SNTG2: variants seen among roughly 807,000 people sequenced by gnomAD.
SNTG2 encodes the protein gamma-2-syntrophin.
Under a neutral mutation model 70.9 loss-of-function variants are expected in SNTG2, and 74 were observed. The observed-to-expected ratio is 1.04, with a 90% confidence interval of 0.86 to 1.27. SNTG2 has a LOEUF of 1.27. Among genes scored for constraint, SNTG2 ranks in the 50% most tolerant of loss-of-function variants. The pLI is 0.00. For missense variants in SNTG2, 717 were observed against 690.7 expected, an observed-to-expected ratio of 1.04 and a Z score of -0.43; for synonymous variants, 278 against 273.8, an observed-to-expected ratio of 1.02 and a Z score of -0.15.
intron 1 of SNTG2, among the ~76,000 whole-genome samples, chr2:1,008,170 C>T (rs754758605): frequency 1.3e-5 from 2 of 152,116 alleles, no homozygotes; most frequent in African/African-American, 2.4e-5. Flanking sequence ...AAATAGTACT[C>T]GTTTTCTATT....
chr2:979,469 C>A (rs1382099007), intron 1 of SNTG2, among the ~76,000 whole-genome samples: 1 of 152,084 alleles, frequency 6.6e-6, no homozygotes, highest in Non-Finnish European at 1.5e-5. Context: ...GGGCTGTGCC[C>A]AGCCTTGCTG....
At chr2:1,196,750 C>T (rs1672934804) in intron 8 of SNTG2, among the ~76,000 whole-genome samples, 1 of 152,000 alleles carries the variant, frequency 6.6e-6, no homozygotes, top group African/African-American at 2.4e-5. Context: ...AGAAAAAAAA[C>T]ACTTCTAGCC....
chr2:1,224,049 CCTT>C lies in SNTG2; in HGVS notation c.720-13836_720-13834del, dbSNP rs1386022245. On this transcript the variant is annotated intron_variant, in intron 9 of 16. Transcript: ENST00000308624. ...GGCCTGTCCTGCATTGCAGATGGCACCTTCTCTCTGTGTCTCCCTGTGGAGGAA... is the reference window on the plus strand; with the variant it reads ...GGCCTGTCCTGCATTGCAGATGGCACCTCTCTGTGTCTCCCTGTGGAGGAA... 2.0e-4 allele frequency among the ~76,000 whole-genome samples: 31 copies of C among 152,318 alleles called. 1 individual carries two copies. In the South Asian group the frequency reaches 2.1e-3, roughly 10 times the overall value.
intron 16 of SNTG2, among the ~76,000 whole-genome samples, chr2:1,350,363 G>A (rs140916270): frequency 1.2e-3 from 186 of 152,300 alleles, no homozygotes; most frequent in African/African-American, 4.1e-3. Flanking sequence ...TGTGAATGGA[G>A]GTCTGGAAGG....
chr2:971,789 G>T (rs575469161), intron 1 of SNTG2, among the ~76,000 whole-genome samples: 13 of 151,512 alleles, frequency 8.6e-5, no homozygotes, highest in South Asian at 2.1e-4. Context: ...TTTGATATGG[G>T]TGTTCAGCAC....
At chr2:1,296,802 A>G (rs1358646120) in intron 14 of SNTG2, among the ~76,000 whole-genome samples, 1 of 152,232 alleles carries the variant, frequency 6.6e-6, no homozygotes, top group East Asian at 1.9e-4. Context: ...ACCATCTTTG[A>G]AGAGTTCTGA....
intron 8 of SNTG2, among the ~76,000 whole-genome samples, chr2:1,178,674 G>A (rs948598815): frequency 3.2e-4 from 49 of 152,258 alleles, no homozygotes; most frequent in African/African-American, 1.2e-3. Context: ...TGGTGGATAA[G>A]CTTTTTGATG....
intron 6 of SNTG2, among the ~76,000 whole-genome samples, chr2:1,152,942 G>A (rs915322120): frequency 2.0e-5 from 3 of 152,238 alleles, no homozygotes; most frequent in Admixed American, 6.5e-5. Flanking sequence ...TGGCCAACAT[G>A]GCAAAACCCT....
At chr2:1,215,680 A>G (rs1314970915) in intron 9 of SNTG2, among the ~76,000 whole-genome samples, 6 of 150,152 alleles carry the variant, frequency 4.0e-5, no homozygotes, top group South Asian at 2.1e-4. Flanking sequence ...CATTATGCAT[A>G]TCTCCTAATG....
chr2:1,084,692 G>C (rs770021766), intron 2 of SNTG2, among the ~76,000 whole-genome samples: 4 of 152,218 alleles, frequency 2.6e-5, no homozygotes. Context: ...GAAATGCATT[G>C]CTCACAGTTC....
At chr2:1,331,934 C>A (rs1179461933) in intron 16 of SNTG2, among the ~76,000 whole-genome samples, 2 of 152,112 alleles carry the variant, frequency 1.3e-5, no homozygotes, top group African/African-American at 2.4e-5. Context: ...CATAACCCAG[C>A]CTGGTGCCTG....
intron 14 of SNTG2, among the ~76,000 whole-genome samples, chr2:1,289,457 T>C (rs1386512214): frequency 6.6e-6 from 1 of 152,092 alleles, no homozygotes; most frequent in African/African-American, 2.4e-5. Flanking sequence ...TCTGTGTCTA[T>C]CACTTGGCAG....
chr2:1,349,046 A>G (rs575157654), intron 16 of SNTG2, among the ~76,000 whole-genome samples: 2 of 152,354 alleles, frequency 1.3e-5, no homozygotes, highest in Admixed American at 6.5e-5. Flanking sequence ...GGTACTTTTC[A>G]AATCTTCCTT....
chr2:1,306,978 G>A (rs1441944366), intron 14 of SNTG2, among the ~76,000 whole-genome samples: 4 of 151,794 alleles, frequency 2.6e-5, no homozygotes, highest in Admixed American at 6.6e-5. Context: ...GGCATTGTGG[G>A]TGTGTGTGGA....
At chr2:1,201,657 G>T (rs1238886510) in intron 8 of SNTG2, among the ~76,000 whole-genome samples, 1 of 151,896 alleles carries the variant, frequency 6.6e-6, no homozygotes, top group Non-Finnish European at 1.5e-5. Flanking sequence ...AATGTTTGAG[G>T]TGATGGATTT....
rs60242449 is a variant in SNTG2, at chr2:1,222,509, T to C, written c.719+13279T>C. 6.3e-3 allele frequency among the ~76,000 whole-genome samples: 854 copies of C among 135,908 alleles called. 8 individuals carry two copies. The East Asian group carries it at 0.069, about 11-fold the overall frequency. The allele number at this position is 135,908 out of a possible 152,430, so 89.2% of individuals were successfully genotyped here. A position where few individuals can be genotyped will look rare whatever the true frequency, so the allele number is the denominator to read the frequency against. On this transcript the variant is annotated intron_variant, in intron 9 of 16. Coordinates refer to ENST00000308624, the MANE Select transcript of SNTG2 (RefSeq NM_018968.4). ...GAAAGTGGTGCAGTGATGGAGGGCG[T>C]CTCCCTGTCCTGCCTGCTGCTGGAG...
intron 4 of SNTG2, among the ~76,000 whole-genome samples, chr2:1,125,430 C>T (rs1464252622): frequency 6.6e-6 from 1 of 152,104 alleles, no homozygotes; most frequent in Non-Finnish European, 1.5e-5. Context: ...CCCTCCCTTC[C>T]TTTGCCTTCA....
chr2:1,199,010 A>AT (rs1209787280), intron 8 of SNTG2, among the ~76,000 whole-genome samples: 1 of 151,864 alleles, frequency 6.6e-6, no homozygotes, highest in Non-Finnish European at 1.5e-5. Flanking sequence ...AAGAGTAGGG[A>AT]TTTTTTCCTA....
At chr2:1,342,163 TCAG>T (rs1660137997) in intron 16 of SNTG2, among the ~76,000 whole-genome samples, 1 of 152,226 alleles carries the variant, frequency 6.6e-6, no homozygotes, top group Admixed American at 6.5e-5. Context: ...TGTGAAGACC[TCAG>T]GGCAGGGATC....
Sources: allele counts gnomAD v4.1 joint callset (sites outside exome capture counted in the v4.1 genomes callset), GRCh38; gene constraint gnomAD v4.1.1; transcripts MANE v1.5; gene names NCBI Gene and HGNC (gene_info 2026-07-23, HGNC 2026-07-21).